Variants in SCN2A observed in about 807,000 individuals in gnomAD.
The protein encoded by SCN2A is sodium channel protein type 2 subunit alpha.
In SCN2A, 20 loss-of-function variants were observed where a neutral mutation model predicts 188.7. The observed-to-expected ratio is 0.11, with a 90% CI of 0.07 to 0.15. SCN2A has a LOEUF of 0.15. Among genes scored for constraint, SCN2A ranks in the 10% least tolerant of loss-of-function variants. SCN2A has a pLI of 1.00. For missense variants in SCN2A, 1,278 were observed against 2,445.0 expected (o/e 0.52, Z 10.07); for synonymous variants, 804 against 833.1 (o/e 0.97, Z 0.60).
At chr2:165,261,310 T>C (rs983426516) in intron 1 of SCN2A, among the ~76,000 whole-genome samples, 4 of 152,236 alleles carry the variant, frequency 2.6e-5, no homozygotes, top group African/African-American at 9.6e-5. Flanking sequence ...CTCTAAAGTG[T>C]CTTCCACTTC....
At position 165,370,547 on chromosome 2, in the gene SCN2A, C is replaced by A; in HGVS notation, c.3849+248C>A. 4 of 411,016 alleles carry A rather than the reference C, an allele frequency of 9.7e-6. No homozygotes were observed. The South Asian group carries it at 1.8e-4, about 19-fold the overall frequency. 25.5% of individuals were successfully genotyped at this position (411,016 alleles called of 1,614,324 possible). A position where few individuals can be genotyped will look rare whatever the true frequency, so the allele number is the denominator to read the frequency against. ...TTAATTTCAAATTAATATTTAAAAT[C>A]TCAAGTTATGCAAAATAAAATATGA... On this transcript the variant is annotated intron_variant, in intron 20 of 26. Transcript: ENST00000375437.
At chr2:165,337,781 C>T (rs1221589336) in intron 14 of SCN2A, among the ~76,000 whole-genome samples, 2 of 152,108 alleles carry the variant, frequency 1.3e-5, no homozygotes, top group Admixed American at 6.6e-5. Context: ...CAGAACTACA[C>T]TACAAGAAAT....
intron 11 of SCN2A, among the ~76,000 whole-genome samples, chr2:165,316,655 G>A (rs1697765812): frequency 6.6e-6 from 1 of 152,134 alleles, no homozygotes; most frequent in Admixed American, 6.6e-5. Flanking sequence ...TGCAACCCTA[G>A]GTAAGTTCTA....
At chr2:165,367,694 C>G (rs1259105414) in intron 19 of SCN2A, among the ~76,000 whole-genome samples, 1 of 152,196 alleles carries the variant, frequency 6.6e-6, no homozygotes, top group Non-Finnish European at 1.5e-5. Flanking sequence ...AGCTAAATAT[C>G]AGACTGAAGC....
At chr2:165,251,485 G>A (rs1194175475) in intron 1 of SCN2A, among the ~76,000 whole-genome samples, 5 of 151,962 alleles carry the variant, frequency 3.3e-5, no homozygotes, top group African/African-American at 4.8e-5. Context: ...GATATGTTAG[G>A]TCTCTTCTGG....
At chr2:165,246,069 A>G (rs971437710) in intron 1 of SCN2A, among the ~76,000 whole-genome samples, 1 of 152,182 alleles carries the variant, frequency 6.6e-6, no homozygotes, top group Non-Finnish European at 1.5e-5. Context: ...CTGTTAGTAA[A>G]TTATGCTGTT....
In SCN2A at chr2:165,314,104, C is replaced by T; in HGVS notation, c.1379C>T (p.Ala460Val). The T allele has an allele frequency of 6.2e-7, 1 of 1,613,130 alleles. No individual in the cohort carries two copies. Among genetic ancestry groups the T allele is most frequent in the South Asian group, 1.1e-5 (1 of 91,050 alleles). The change falls in exon 10 of 27, where the codon GCT becomes GTT. Residue 460 changes from alanine to valine, a missense_variant. By Grantham distance (64) the Ala-to-Val change is moderately conservative. Transcript: ENST00000375437. ...LEQLKKQQEEAQAAAAAASAE... is the reference protein window; with the variant it reads ...LEQLKKQQEEVQAAAAAASAE... ...CAGTTGAAAAAGCAACAAGAAGAAG[C>T]TCAGGTATAGTGAACAAGCATACGG...
chr2:165,329,250 G>A (rs1050151033), intron 13 of SCN2A, among the ~76,000 whole-genome samples: 4 of 152,046 alleles, frequency 2.6e-5, no homozygotes, highest in Admixed American at 6.6e-5. Flanking sequence ...AACCATTTGC[G>A]TTTCAAATTT....
At chr2:165,362,610 G>C (rs1700518855) in intron 17 of SCN2A, among the ~76,000 whole-genome samples, 1 of 152,016 alleles carries the variant, frequency 6.6e-6, no homozygotes, top group South Asian at 2.1e-4. Flanking sequence ...TTCAAAGCCT[G>C]TTCCTTGTAT....
Position 165,365,238 on chromosome 2 carries a change from T to G in SCN2A, c.3495T>G (p.Leu1165=). ...EQPEVEPEES[L]EPEACFTEDC... ...CTGAGGTTGAACCTGAGGAATCCCT[T>G]GAACCTGAAGCCTGTTTTACAGAAG... is the stretch of plus-strand genomic sequence containing the variant. Residue 1165 remains leucine (L), a synonymous_variant, in exon 18 of 27, where the codon CTT becomes CTG. Transcript: ENST00000375437. 6.2e-7 allele frequency: 1 copy of G among 1,614,014 alleles called. No individual in the cohort carries two copies. The highest frequency in any genetic ancestry group is 8.5e-7 in the Non-Finnish European group (1 of 1,179,932).
intron 11 of SCN2A, among the ~76,000 whole-genome samples, chr2:165,321,006 C>G (rs969770586): frequency 2.0e-5 from 3 of 152,160 alleles, no homozygotes; most frequent in African/African-American, 7.2e-5. Flanking sequence ...TGCAAATTTT[C>G]CAAACTTTTA....
intron 16 of SCN2A, among the ~76,000 whole-genome samples, chr2:165,349,536 A>C (rs911306048): frequency 6.7e-6 from 1 of 150,342 alleles, no homozygotes; most frequent in Non-Finnish European, 1.5e-5. Context: ...AGTTGAAAAG[A>C]GAATTTCAGG....
At chr2:165,287,082 G>T (rs1339725666) in intron 1 of SCN2A, among the ~76,000 whole-genome samples, 1 of 152,168 alleles carries the variant, frequency 6.6e-6, no homozygotes, top group Middle Eastern at 3.2e-3. Flanking sequence ...GCAAGTTTTA[G>T]AGTAGGAGTA....
chr2:165,383,019 A>G (rs1317422993), intron 25 of SCN2A, among the ~76,000 whole-genome samples: 2 of 152,176 alleles, frequency 1.3e-5, no homozygotes, highest in Non-Finnish European at 2.9e-5. Context: ...ACATTCAGCT[A>G]GAATATTATC....
chr2:165,292,259 G>C (rs1469815346), intron 1 of SCN2A, among the ~76,000 whole-genome samples: 1 of 152,168 alleles, frequency 6.6e-6, no homozygotes, highest in Non-Finnish European at 1.5e-5. Context: ...CTGCTAAAGT[G>C]ACTAAAATAT....
intron 15 of SCN2A, among the ~76,000 whole-genome samples, chr2:165,344,174 T>C (rs1382078892): frequency 6.6e-6 from 1 of 152,196 alleles, no homozygotes; most frequent in African/African-American, 2.4e-5. Context: ...AAATTTGGTG[T>C]ATCTTATTAA....
At chr2:165,294,403 A>G (rs1015617922) in intron 1 of SCN2A, among the ~76,000 whole-genome samples, 1 of 152,184 alleles carries the variant, frequency 6.6e-6, no homozygotes, top group Admixed American at 6.5e-5. Context: ...TGGAGGCACT[A>G]TAATACTGGG....
In SCN2A at chr2:165,318,599, G is replaced by A. The variant is rs371367465; in HGVS notation, c.1671+2841G>A. On this transcript the variant is annotated intron_variant, in intron 11 of 26. Coordinates refer to ENST00000375437, the MANE Select transcript of SCN2A (RefSeq NM_001040142.2). The stretch of plus-strand genomic sequence containing the variant: ...CATATAGCTGTCACATGTAAACTAC[G>A]TTTTTGTATAGCTTAATTCATCCAT... Among the ~76,000 whole-genome samples the A allele has an allele frequency of 5.3e-5, 8 of 152,140 alleles. No individual in the cohort carries two copies. In the East Asian group the frequency reaches 5.8e-4, roughly 11 times the overall value.
At chr2:165,382,683 A>G (rs140301762) in intron 25 of SCN2A, among the ~76,000 whole-genome samples, 9 of 152,250 alleles carry the variant, frequency 5.9e-5, no homozygotes, top group Non-Finnish European at 1.0e-4. Flanking sequence ...AAGCTAGTTG[A>G]TATTTTGTGA....
Sources: gnomAD v4.1 joint callset for allele counts (sites outside exome capture counted in the v4.1 genomes callset) on GRCh38, gnomAD v4.1.1 for gene constraint, MANE v1.5 for transcripts, NCBI Gene and HGNC (gene_info 2026-07-23, HGNC 2026-07-21) for gene names.